Variants in POU4F1 observed in about 807,000 individuals in gnomAD.
POU4F1 encodes POU class 4 homeobox 1, also known as POU domain, class 4, transcription factor 1.
Under a neutral mutation model 19.8 loss-of-function variants are expected in POU4F1, and 5 were observed. That is an observed-to-expected ratio of 0.25 (90% CI 0.13 to 0.53). The LOEUF (loss-of-function observed/expected upper bound fraction) is 0.53, where lower values mean the gene tolerates loss of function less well. POU4F1 is among the 20% of genes least tolerant of loss of function. The pLI is 0.96. For synonymous variants in POU4F1, 266 were observed against 247.7 expected, an observed-to-expected ratio of 1.07 and a Z score of -0.69; for missense variants, 408 against 511.6, an observed-to-expected ratio of 0.80 and a Z score of 1.95.
In POU4F1 at chr13:78,600,810, G is replaced by A. The variant is rs886549926; in HGVS notation, c.*605C>T. 8 of 152,944 alleles carry A rather than the reference G, an allele frequency of 5.2e-5. No individual in the cohort carries two copies. Among genetic ancestry groups the A allele is most frequent in the Admixed American group, 6.5e-5 (1 of 15,344 alleles). The allele number at this position is 152,944 out of a possible 1,614,324, so 9.5% of individuals were successfully genotyped here. Reference sequence around the variant, plus strand: ...TGGTTTTCGTTTTTCGACTCAGTTCGTGCGTGTAGGGTTGGGGAGGTGGTA... The same window carrying A: ...TGGTTTTCGTTTTTCGACTCAGTTCATGCGTGTAGGGTTGGGGAGGTGGTA... On this transcript the variant is annotated 3_prime_UTR_variant, in exon 2 of 2. Transcript: ENST00000377208.
chr13:78,602,167 CGCCACCGCCGCCTCCCCCGGG>C lies in POU4F1; in HGVS notation c.487_507del (p.Pro163_Gly169del), dbSNP rs1249074288. 4.7e-5 allele frequency: 6 copies of C among 126,874 alleles called. No homozygotes were observed. The highest frequency in any genetic ancestry group is 7.4e-5 in the African/African-American group (2 of 26,872). 7.9% of individuals were successfully genotyped at this position (126,874 alleles called of 1,614,324 possible). A position where few individuals can be genotyped will look rare whatever the true frequency, so the allele number is the denominator to read the frequency against. On this transcript the variant is annotated inframe_deletion, in exon 2 of 2. Coordinates refer to ENST00000377208, the MANE Select transcript of POU4F1 (RefSeq NM_006237.4). Reference sequence around the variant, plus strand: ...GGGCCGCCGCCGCCGCCCCCCGGGCCGCCACCGCCGCCTCCCCCGGGGCCGCCGCCCGGGCCGCCGCCGCCG... The same window carrying C: ...GGGCCGCCGCCGCCGCCCCCCGGGCCGCCGCCGCCCGGGCCGCCGCCGCCG...
chr13:78,603,434 G>T lies in POU4F1; in HGVS notation c.-108C>A. 7.4e-7 allele frequency: 1 copy of T among 1,356,744 alleles called. No individual in the cohort carries two copies. Among genetic ancestry groups the T allele is most frequent in the South Asian group, 1.9e-5 (1 of 52,086 alleles). The allele number at this position is 1,356,744 out of a possible 1,614,324, so 84.0% of individuals were successfully genotyped here. A position where few individuals can be genotyped will look rare whatever the true frequency, so the allele number is the denominator to read the frequency against. On this transcript the variant is annotated 5_prime_UTR_variant, in exon 1 of 2. Transcript: ENST00000377208. ...GGAGGCTGCAGCCGCGGCGGTCGCG[G>T]CGGCTGGCGGCGGCCCCGCCGCGGG...
chr13:78,601,669 C>T lies in POU4F1; in HGVS notation c.1006G>A (p.Ala336Thr). ...ATTTTCTCGCGCTGGGCGCCCTCGG[C>T]CTCCTCGAGCCACGCCTGCAGGATG... Reference protein sequence around the residue: ...KPILQAWLEEAEGAQREKMNK... With the variant: ...KPILQAWLEETEGAQREKMNK... The change falls in exon 2 of 2, where the codon GCC becomes ACC. Residue 336 changes from alanine (A) to threonine (T), a missense_variant. Transcript: ENST00000377208. 1.2e-6 allele frequency: 2 copies of T among 1,613,746 alleles called. No individual in the cohort carries two copies. Among genetic ancestry groups the T allele is most frequent in the Non-Finnish European group, 1.7e-6 (2 of 1,179,936 alleles).
Position 78,601,484 on chromosome 13 carries a change from G to A in POU4F1, c.1191C>T (p.Asn397=), listed in dbSNP as rs745865977. Reference sequence around the variant, plus strand: ...GGTTGCAAAACCACACCCGCACCACGTTCTTTTTGAGGTCCAGTTTCTCGG... The same window carrying A: ...GGTTGCAAAACCACACCCGCACCACATTCTTTTTGAGGTCCAGTTTCTCGG... ...AIAEKLDLKK[N]VVRVWFCNQR... Residue 397 remains asparagine (N), a synonymous_variant, in exon 2 of 2, where the codon AAC becomes AAT. Coordinates refer to ENST00000377208, the MANE Select transcript of POU4F1 (RefSeq NM_006237.4). 6.2e-7 allele frequency: 1 copy of A among 1,613,712 alleles called. No individual in the cohort carries two copies. The highest frequency in any genetic ancestry group is 1.7e-5 in the Admixed American group (1 of 60,016).
Position 78,603,184 on chromosome 13 carries a change from C to A in POU4F1, c.123+20G>T, listed in dbSNP as rs1409283121. 1.5e-5 allele frequency: 21 copies of A among 1,429,420 alleles called. No homozygotes were observed. The highest frequency in any genetic ancestry group is 1.8e-5 in the Non-Finnish European group (20 of 1,091,446). 88.5% of individuals were successfully genotyped at this position (1,429,420 alleles called of 1,614,324 possible). ...GAGGGGCGGGCGCGCGGGCCGGGGCCGCGGGCGTGGGGCGCTTACCGGCGG... is the reference window on the plus strand; with the variant it reads ...GAGGGGCGGGCGCGCGGGCCGGGGCAGCGGGCGTGGGGCGCTTACCGGCGG... On this transcript the variant is annotated intron_variant, in intron 1 of 1. Coordinates refer to ENST00000377208, the MANE Select transcript of POU4F1 (RefSeq NM_006237.4).
At position 78,601,327 on chromosome 13, in the gene POU4F1, A is replaced by G; in HGVS notation, c.*88T>C. The G allele has an allele frequency of 6.4e-7, 1 of 1,572,080 alleles. No individual in the cohort carries two copies. The highest frequency in any genetic ancestry group is 8.6e-7 in the Non-Finnish European group (1 of 1,162,760). Reference sequence around the variant, plus strand: ...ATGCAGGCAGGATAACGGACACTCCAAATCCGAGGGGAGGCAAGCAGAGGA... The same window carrying G: ...ATGCAGGCAGGATAACGGACACTCCGAATCCGAGGGGAGGCAAGCAGAGGA... On this transcript the variant is annotated 3_prime_UTR_variant, in exon 2 of 2. Coordinates refer to ENST00000377208, the MANE Select transcript of POU4F1 (RefSeq NM_006237.4).
Position 78,601,830 on chromosome 13 carries a change from AGCTTGATGCGCCGCT to A in POU4F1, c.830_844del (p.Gln277_Lys281del). 1 of 1,609,956 alleles carries A rather than the reference AGCTTGATGCGCCGCT, an allele frequency of 6.2e-7. No homozygotes were observed. ...GCCCACGTCGGCCTGCGTCACGCCC[AGCTTGATGCGCCGCT>A]GCTTGAAGCGCTCCGCGAACGCCTC... On this transcript the variant is annotated inframe_deletion, in exon 2 of 2. Coordinates refer to ENST00000377208, the MANE Select transcript of POU4F1 (RefSeq NM_006237.4).
chr13:78,599,847 C>A lies in POU4F1; in HGVS notation c.*1568G>T, dbSNP rs749305371. On this transcript the variant is annotated 3_prime_UTR_variant, in exon 2 of 2. Transcript: ENST00000377208. Reference sequence around the variant, plus strand: ...AACTATCTTAATTTTTTAAAATCCACCAGCAGCTTGTAAGGTACCTGATTA... The same window carrying A: ...AACTATCTTAATTTTTTAAAATCCAACAGCAGCTTGTAAGGTACCTGATTA... 2.6e-5 allele frequency: 4 copies of A among 152,580 alleles called. No individual in the cohort carries two copies. Among genetic ancestry groups the A allele is most frequent in the African/African-American group, 7.2e-5 (3 of 41,444 alleles). The allele number at this position is 152,580 out of a possible 1,614,324, so 9.5% of individuals were successfully genotyped here. A position where few individuals can be genotyped will look rare whatever the true frequency, so the allele number is the denominator to read the frequency against.
rs1289227148 is a variant in POU4F1 at position 78,602,130 on chromosome 13, A to C, written c.545T>G (p.Leu182Arg). 1 of 171,410 alleles carries C rather than the reference A, an allele frequency of 5.8e-6. No homozygotes were observed. Among genetic ancestry groups the C allele is most frequent in the African/African-American group, 2.6e-5 (1 of 38,438 alleles). The allele number at this position is 171,410 out of a possible 1,614,324, so 10.6% of individuals were successfully genotyped here. A position where few individuals can be genotyped will look rare whatever the true frequency, so the allele number is the denominator to read the frequency against. The change falls in exon 2 of 2, where the codon CTC (leucine) becomes CGC (arginine). Residue 182 changes from leucine (L) to arginine (R), a missense_variant. Around this residue, in one of 4 missense-constraint regions of POU4F1, gnomAD observed 294 missense variants for 288.2 expected, o/e 1.02. Transcript: ENST00000377208. ...GTGAGGGTGCGCGGAGCCGCCCAGG[A>C]GCCCGCCGCCCGGGCCGCCGCCGCC... ...GGGGGGPGGGLLGGSAHPHPH... is the reference protein window; with the variant it reads ...GGGGGGPGGGRLGGSAHPHPH...
At position 78,602,000 on chromosome 13, in the gene POU4F1, G is replaced by A. The variant is rs1004858148; in HGVS notation, c.675C>T (p.His225=). ...CCGCCGCTGCCGCTGCCGCGCCGTG[G>A]TGCGCCGCCGCCGCCACCAGCCCGG... ...PHPGLVAAAA[H]HGAAAAAAAA... is the part of the protein sequence containing the mutation. Residue 225 remains histidine (H), a synonymous_variant, in exon 2 of 2, where the codon CAC becomes CAT. Coordinates refer to ENST00000377208, the MANE Select transcript of POU4F1 (RefSeq NM_006237.4). 7 of 916,362 alleles carry A rather than the reference G, an allele frequency of 7.6e-6. No individual in the cohort carries two copies. The African/African-American group carries it at 1.3e-4, about 17-fold the overall frequency. 56.8% of individuals were successfully genotyped at this position (916,362 alleles called of 1,614,324 possible).
Position 78,601,217 on chromosome 13 carries a change from A to G in POU4F1, c.*198T>C. 1 of 615,344 alleles carries G rather than the reference A, an allele frequency of 1.6e-6. No homozygotes were observed. The highest frequency in any genetic ancestry group is 4.8e-5 in the Admixed American group (1 of 20,720). 38.1% of individuals were successfully genotyped at this position (615,344 alleles called of 1,614,324 possible). A position where few individuals can be genotyped will look rare whatever the true frequency, so the allele number is the denominator to read the frequency against. On this transcript the variant is annotated 3_prime_UTR_variant, in exon 2 of 2. Coordinates refer to ENST00000377208, the MANE Select transcript of POU4F1 (RefSeq NM_006237.4). ...CTATACTCCAATCCCCACACCCAGC[A>G]CCCCAGTCCTCAAGGCTAGGGGACA...
chr13:78,602,695 C>A, intron 1 of POU4F1, 144 bp from the exon 2 acceptor site: 1 of 939,884 alleles, frequency 1.1e-6, no homozygotes, highest in Non-Finnish European at 1.4e-6. Flanking sequence ...GGTTTGGGGG[C>A]AGTGGAGAGC....
In POU4F1 at chr13:78,602,236, G is replaced by C. The variant is rs1874741266; in HGVS notation, c.439C>G (p.Pro147Ala). 1 of 967,906 alleles carries C rather than the reference G, an allele frequency of 1.0e-6. No homozygotes were observed. Among genetic ancestry groups the C allele is most frequent in the Admixed American group, 6.4e-5 (1 of 15,520 alleles). The allele number at this position is 967,906 out of a possible 1,614,324, so 60.0% of individuals were successfully genotyped here. ...CCGCCCGGGCCGCCACCGCCCCCCGGGCCGTCGTGGGCGCCGCCGCCGCCG... is the reference window on the plus strand; with the variant it reads ...CCGCCCGGGCCGCCACCGCCCCCCGCGCCGTCGTGGGCGCCGCCGCCGCCG... ...AAGGGGAHDG[P>A]GGGGGPGGGG... Residue 147 changes from proline to alanine, a missense_variant, in exon 2 of 2, where the codon CCG becomes GCG. Around this residue, in one of 4 missense-constraint regions of POU4F1, gnomAD observed 294 missense variants for 288.2 expected, o/e 1.02. Coordinates refer to ENST00000377208, the MANE Select transcript of POU4F1 (RefSeq NM_006237.4).
At position 78,602,212 on chromosome 13, in the gene POU4F1, C is replaced by A. The variant is rs1874738640; in HGVS notation, c.463G>T (p.Gly155Cys). 1.3e-6 allele frequency: 1 copy of A among 755,670 alleles called. No homozygotes were observed. 46.8% of individuals were successfully genotyped at this position (755,670 alleles called of 1,614,324 possible). Residue 155 changes from glycine (G) to cysteine (C), a missense_variant, in exon 2 of 2, where the codon GGC becomes TGC. Gly to Cys is a radical substitution (Grantham distance 159, BLOSUM62 -3). Transcript: ENST00000377208. ...GGGCCGCCGCCCGGGCCGCCGCCGC[C>A]GCCCGGGCCGCCACCGCCCCCCGGG... ...DGPGGGGGPG[G>C]GGGPGGGPGG...
rs927766382 is a variant in POU4F1, at chr13:78,599,250, T to G, written c.*2165A>C. 3.3e-5 allele frequency: 5 copies of G among 152,554 alleles called. No individual in the cohort carries two copies. Among genetic ancestry groups the G allele is most frequent in the African/African-American group, 4.8e-5 (2 of 41,390 alleles). The allele number at this position is 152,554 out of a possible 1,614,324, so 9.5% of individuals were successfully genotyped here. On this transcript the variant is annotated 3_prime_UTR_variant, in exon 2 of 2. Coordinates refer to ENST00000377208, the MANE Select transcript of POU4F1 (RefSeq NM_006237.4). ...GTTGTATTTTGGCGCATAGAATTGG[T>G]TCTGATAGAAGTAAGGGAGGAGAAA...
intron 1 of POU4F1, among the ~76,000 whole-genome samples, chr13:78,602,980 C>A (rs1874774028): frequency 6.6e-6 from 1 of 152,128 alleles, no homozygotes; most frequent in Non-Finnish European, 1.5e-5. Context: ...CTGGCCCCAG[C>A]GCTCCCTACT....
In POU4F1 at chr13:78,603,332, C is replaced by A. The variant is rs202193336; in HGVS notation, c.-6G>T. ...TTGCTGTTCATGGACATCATCGTGGCGGCTTGGCATGTATATCCACAAACA... is the reference window on the plus strand; with the variant it reads ...TTGCTGTTCATGGACATCATCGTGGAGGCTTGGCATGTATATCCACAAACA... On this transcript the variant is annotated 5_prime_UTR_variant, in exon 1 of 2. Coordinates refer to ENST00000377208, the MANE Select transcript of POU4F1 (RefSeq NM_006237.4). 1 of 1,574,842 alleles carries A rather than the reference C, an allele frequency of 6.3e-7. No individual in the cohort carries two copies. The highest frequency in any genetic ancestry group is 8.6e-7 in the Non-Finnish European group (1 of 1,161,418).
Position 78,601,992 on chromosome 13 carries a change from G to T in POU4F1, c.683C>A (p.Ala228Glu). The change falls in exon 2 of 2, where the codon GCG (alanine) becomes GAG (glutamate). Residue 228 changes from alanine to glutamate, a missense_variant. Ala to Glu is a moderately radical substitution (Grantham distance 107). Transcript: ENST00000377208. ...CGCCGCCGCCGCCGCTGCCGCTGCC[G>T]CGCCGTGGTGCGCCGCCGCCGCCAC... ...GLVAAAAHHG[A>E]AAAAAAAAAG... 1 of 927,364 alleles carries T rather than the reference G, an allele frequency of 1.1e-6. No individual in the cohort carries two copies. Among genetic ancestry groups the T allele is most frequent in the Non-Finnish European group, 1.3e-6 (1 of 779,092 alleles). 57.4% of individuals were successfully genotyped at this position (927,364 alleles called of 1,614,324 possible).
In POU4F1 at chr13:78,602,487, G is replaced by A. The variant is rs868371322; in HGVS notation, c.188C>T (p.Ala63Val). 1.3e-6 allele frequency: 2 copies of A among 1,595,920 alleles called. No individual in the cohort carries two copies. The highest frequency in any genetic ancestry group is 1.7e-5 in the Admixed American group (1 of 57,896). Reference sequence around the variant, plus strand: ...GCCCTGGGACACGGCGATGTCCACGGCCGCCAGCGCCTCGGCCCGCGCCAG... The same window carrying A: ...GCCCTGGGACACGGCGATGTCCACGACCGCCAGCGCCTCGGCCCGCGCCAG... Reference protein sequence around the residue: ...TLLARAEALAAVDIAVSQGKS... With the variant: ...TLLARAEALAVVDIAVSQGKS... The change falls in exon 2 of 2, where the codon GCC becomes GTC. Residue 63 changes from alanine (A) to valine (V), a missense_variant. Physicochemically the swap from Ala to Val is moderately conservative, Grantham distance 64. This residue lies in a region of POU4F1 where 294 missense variants were observed against 288.2 expected (regional missense o/e 1.02). Transcript: ENST00000377208.
Sources: gnomAD v4.1 joint callset for allele counts (sites outside exome capture counted in the v4.1 genomes callset) on GRCh38, gnomAD v4.1.1 for gene constraint, gnomAD v4.1.1 regional missense constraint, MANE v1.5 for transcripts, NCBI Gene and HGNC (gene_info 2026-07-23, HGNC 2026-07-21) for gene names.